EPHA4: variants seen among roughly 807,000 people sequenced by gnomAD.
The protein encoded by EPHA4 is ephrin type-A receptor 4.
Under a neutral mutation model 108.3 loss-of-function variants are expected in EPHA4, and 19 were observed. That is an observed-to-expected ratio of 0.18 (90% CI 0.12 to 0.26). The LOEUF (loss-of-function observed/expected upper bound fraction) is 0.26. Ranked by LOEUF, EPHA4 falls within the 10% of genes least tolerant of loss-of-function variation. The pLI, the probability that EPHA4 is intolerant of heterozygous loss-of-function variation, is 1.00. For synonymous variants in EPHA4, 449 were observed against 455.5 expected (o/e 0.99, Z 0.18); for missense variants, 917 against 1,254.0 (o/e 0.73, Z 4.06).
intron 5 of EPHA4, among the ~76,000 whole-genome samples, chr2:221,465,486 G>A (rs556809538): frequency 6.6e-6 from 1 of 152,284 alleles, no homozygotes; most frequent in Non-Finnish European, 1.5e-5. Flanking sequence ...AGTTGAAGGT[G>A]TTGGGTTGGC....
In EPHA4 at chr2:221,434,181, C is replaced by G; in HGVS notation, c.2457G>C (p.Ser819=). 6.2e-7 allele frequency: 1 copy of G among 1,614,054 alleles called. No homozygotes were observed. The highest frequency in any genetic ancestry group is 1.1e-5 in the South Asian group (1 of 91,076). ...SYGIVMWEVM[S]YGERPYWDMS... ...TATCCCAATAGGGCCTCTCCCCGTA[C>G]GACATCACTTCCCACATAACGATTC... Residue 819 remains serine, a synonymous_variant, in exon 14 of 18, where the codon TCG becomes TCC. Transcript: ENST00000281821.
At chr2:221,430,266 GAACAGCTCC>G in intron 14 of EPHA4, 115 bp from the exon 15 acceptor site, 1 of 1,056,950 alleles carries the variant, frequency 9.5e-7, no homozygotes, top group East Asian at 2.5e-5. Context: ...TGGAGCCTGG[GAACAGCTCC>G]AACTCCTTCA....
chr2:221,482,855 T>C (rs1691865972), intron 4 of EPHA4, among the ~76,000 whole-genome samples, 165 bp from the exon 5 acceptor site: 1 of 152,128 alleles, frequency 6.6e-6, no homozygotes, highest in Non-Finnish European at 1.5e-5. Flanking sequence ...AAAAGAACAA[T>C]ATAATAGAAG....
chr2:221,429,422 A>G (rs1245872536), intron 15 of EPHA4, among the ~76,000 whole-genome samples: 1 of 152,142 alleles, frequency 6.6e-6, no homozygotes, highest in African/African-American at 2.4e-5. Flanking sequence ...TTATAACTCA[A>G]TCATTTCCTA....
intron 5 of EPHA4, among the ~76,000 whole-genome samples, chr2:221,463,593 T>G (rs1483131018): frequency 6.6e-6 from 1 of 152,222 alleles, no homozygotes; most frequent in African/African-American, 2.4e-5. Flanking sequence ...GATGCTTTGA[T>G]GTCAAACAGA....
intron 5 of EPHA4, among the ~76,000 whole-genome samples, chr2:221,461,509 T>C (rs1465782537): frequency 6.6e-6 from 1 of 152,030 alleles, no homozygotes; most frequent in Non-Finnish European, 1.5e-5. Context: ...AAAGACCAAG[T>C]GGAAAAAAAG....
At position 221,457,907 on chromosome 2, in the gene EPHA4, T is replaced by A; in HGVS notation, c.1402A>T (p.Asn468Tyr). Reference protein sequence around the residue: ...ALAWLEPDRPNGVILEYEVKY... With the variant: ...ALAWLEPDRPYGVILEYEVKY... ...ACTTCATATTCCAGGATTACCCCAT[T>A]GGGCCGATCTGGTTCCAGCCAAGCC... Residue 468 changes from asparagine to tyrosine, a missense_variant, in exon 6 of 18, where the codon AAT becomes TAT. Around this residue, in one of 3 missense-constraint regions of EPHA4, gnomAD observed 758 missense variants for 1,076.7 expected, o/e 0.70. Transcript: ENST00000281821. 1 of 1,613,826 alleles carries A rather than the reference T, an allele frequency of 6.2e-7. No homozygotes were observed.
intron 3 of EPHA4, among the ~76,000 whole-genome samples, chr2:221,504,780 G>A (rs1419951527): frequency 6.6e-6 from 1 of 152,144 alleles, no homozygotes. Flanking sequence ...CATTATCACT[G>A]TTCCCACTTT....
rs184632412 is a variant in EPHA4, at chr2:221,480,484, C to T, written c.1318+1868G>A. 1.3e-3 allele frequency among the ~76,000 whole-genome samples: 201 copies of T among 152,246 alleles called. 1 individual carries two copies. The highest frequency in any genetic ancestry group is 2.0e-3 in the Non-Finnish European group (137 of 68,024). ...CCTAATTCAGAGAGACCAGCAGCAC[C>T]GATGCGTGTTCCCAGGATCTGTATG... On this transcript the variant is annotated intron_variant, in intron 5 of 17. Coordinates refer to ENST00000281821, the MANE Select transcript of EPHA4 (RefSeq NM_004438.5).
chr2:221,570,328 A>AG (rs1694792370), intron 1 of EPHA4, among the ~76,000 whole-genome samples: 1 of 150,146 alleles, frequency 6.7e-6, no homozygotes, highest in Non-Finnish European at 1.5e-5. Flanking sequence ...CCCCCCCCCA[A>AG]AAAAAGAGGG....
intron 5 of EPHA4, among the ~76,000 whole-genome samples, chr2:221,461,051 G>T (rs2106121403): frequency 1.3e-5 from 2 of 152,278 alleles, no homozygotes; most frequent in East Asian, 3.9e-4. Flanking sequence ...AATGTTTGCT[G>T]GACACTCTTA....
chr2:221,511,350 C>T (rs910687094), intron 3 of EPHA4, among the ~76,000 whole-genome samples: 1 of 151,556 alleles, frequency 6.6e-6, no homozygotes, highest in Non-Finnish European at 1.5e-5. Context: ...ATAACAATGG[C>T]TGAGTCTTGG....
chr2:221,464,335 C>T (rs980638547), intron 5 of EPHA4, among the ~76,000 whole-genome samples: 1 of 152,162 alleles, frequency 6.6e-6, no homozygotes, highest in African/African-American at 2.4e-5. Flanking sequence ...TTCAATACCC[C>T]AGCTCTGATT....
At chr2:221,437,236 T>G in intron 11 of EPHA4, 114 bp from the exon 12 acceptor site, 1 of 713,824 alleles carries the variant, frequency 1.4e-6, no homozygotes, top group Non-Finnish European at 2.4e-6. Flanking sequence ...TGATCTAATT[T>G]AATTAAAACA....
intron 3 of EPHA4, among the ~76,000 whole-genome samples, chr2:221,524,218 C>T (rs1479349802): frequency 6.6e-6 from 1 of 152,182 alleles, no homozygotes; most frequent in Non-Finnish European, 1.5e-5. Flanking sequence ...CCTCTCCTGC[C>T]GGATGCTAAC....
chr2:221,549,056 C>A (rs1694085565), intron 3 of EPHA4, among the ~76,000 whole-genome samples: 1 of 152,100 alleles, frequency 6.6e-6, no homozygotes, highest in African/African-American at 2.4e-5. Flanking sequence ...TCATCCTGTC[C>A]AAAATGCCAG....
At chr2:221,434,548 G>C (rs1017841350) in intron 13 of EPHA4, among the ~76,000 whole-genome samples, 1 of 152,322 alleles carries the variant, frequency 6.6e-6, no homozygotes. Context: ...CTCTGCTTAA[G>C]GCAATATTCT....
intron 6 of EPHA4, 127 bp downstream of exon 6, chr2:221,457,739 A>G: frequency 2.0e-6 from 2 of 1,013,960 alleles, no homozygotes; most frequent in Admixed American, 2.6e-5. Context: ...GAGGATGGGA[A>G]GGAGTCGAGG....
intron 3 of EPHA4, among the ~76,000 whole-genome samples, chr2:221,504,539 TTATATATATA>T (rs10556912): frequency 1.3e-5 from 2 of 148,264 alleles, no homozygotes; most frequent in African/African-American, 2.5e-5. Flanking sequence ...TTTGAAAATT[TTATATATATA>T]TATATATATA....
Sources: allele counts gnomAD v4.1 joint callset (sites outside exome capture counted in the v4.1 genomes callset), GRCh38; gene constraint gnomAD v4.1.1; regional missense constraint gnomAD v4.1.1; transcripts MANE v1.5; gene names NCBI Gene and HGNC (gene_info 2026-07-23, HGNC 2026-07-21).